SGCZ: variants seen among roughly 807,000 people sequenced by gnomAD.
SGCZ encodes the protein sarcoglycan zeta.
SGCZ carries 40 observed loss-of-function variants against 41.3 expected under a neutral mutation model. The observed-to-expected ratio is 0.97, with a 90% CI of 0.75 to 1.26. The LOEUF is 1.26. Ranked by LOEUF, SGCZ falls within the 50% of genes most tolerant of loss-of-function variation. The pLI, the probability that SGCZ is intolerant of heterozygous loss-of-function variation, is 0.00. For missense variants in SGCZ, 552 were observed against 369.8 expected (o/e 1.49, Z -4.04); for synonymous variants, 206 against 137.5 (o/e 1.50, Z -3.49).
chr8:14,468,376 T>C (rs58633223), intron 2 of SGCZ, among the ~76,000 whole-genome samples: 9,922 of 152,188 alleles, frequency 0.065, 545 homozygotes, highest in African/African-American at 0.15. Flanking sequence ...ATGGCTAATA[T>C]CAATTTATTT....
chr8:14,708,418 C>A (rs548989448), intron 1 of SGCZ, among the ~76,000 whole-genome samples: 1 of 151,562 alleles, frequency 6.6e-6, no homozygotes, highest in African/African-American at 2.4e-5. Flanking sequence ...AACAGGCAGT[C>A]ACTCCCATAT....
rs188374914 is a variant in SGCZ at position 14,948,307 on chromosome 8, C to T, written c.39+289278G>A. ...GATGAGAACTGGGTATTCTCTCTCT[C>T]CTAATATACTGGCCATAGGAAATTT... On this transcript the variant is annotated intron_variant, in intron 1 of 7. Transcript: ENST00000382080. Among the ~76,000 whole-genome samples, 483 of 152,220 alleles carry T rather than the reference C, an allele frequency of 3.2e-3. 3 individuals carry two copies. Among genetic ancestry groups the T allele is most frequent in the Middle Eastern group, 0.027 (8 of 294 alleles).
At chr8:15,015,482 G>A (rs1179587859) in intron 1 of SGCZ, among the ~76,000 whole-genome samples, 4 of 151,962 alleles carry the variant, frequency 2.6e-5, no homozygotes, top group African/African-American at 7.2e-5. Context: ...GGTGGATCAC[G>A]AGGTCAGCAG....
chr8:15,236,496 T>C (rs576192869), intron 1 of SGCZ, among the ~76,000 whole-genome samples: 154 of 152,182 alleles, frequency 1.0e-3, no homozygotes, highest in Non-Finnish European at 1.9e-3. Context: ...TCTGAACCTC[T>C]GAAATAGTAG....
At chr8:14,449,995 A>G (rs986781914) in intron 2 of SGCZ, among the ~76,000 whole-genome samples, 5 of 152,268 alleles carry the variant, frequency 3.3e-5, no homozygotes, top group African/African-American at 1.2e-4. Context: ...ATTTAATATA[A>G]TGCAATGTAA....
At chr8:15,194,832 G>C (rs986720430) in intron 1 of SGCZ, among the ~76,000 whole-genome samples, 2 of 152,108 alleles carry the variant, frequency 1.3e-5, no homozygotes, top group African/African-American at 4.8e-5. Context: ...ACTCATTCTG[G>C]ACTTCTGACC....
chr8:14,361,765 G>T (rs769463358), intron 2 of SGCZ, among the ~76,000 whole-genome samples: 3 of 152,214 alleles, frequency 2.0e-5, no homozygotes, highest in Admixed American at 6.5e-5. Context: ...GAGGCATTCC[G>T]GTTTTTGGAA....
intron 2 of SGCZ, among the ~76,000 whole-genome samples, chr8:14,546,157 A>G (rs1803619058): frequency 6.6e-6 from 1 of 152,278 alleles, no homozygotes; most frequent in South Asian, 2.1e-4. Flanking sequence ...TCAATCCTGT[A>G]ATAAATCCAC....
chr8:14,695,417 G>A (rs998400225), intron 1 of SGCZ, among the ~76,000 whole-genome samples: 2 of 152,034 alleles, frequency 1.3e-5, no homozygotes, highest in African/African-American at 4.8e-5. Context: ...CAATATTGTG[G>A]AAACTTTATC....
intron 1 of SGCZ, among the ~76,000 whole-genome samples, chr8:14,883,139 A>G (rs1232404790): frequency 3.9e-5 from 6 of 151,906 alleles, no homozygotes; most frequent in African/African-American, 1.5e-4. Flanking sequence ...TTCTCATTTC[A>G]TATCTTACTT....
intron 1 of SGCZ, among the ~76,000 whole-genome samples, chr8:14,626,272 G>A (rs751529104): frequency 4.6e-5 from 7 of 151,900 alleles, no homozygotes; most frequent in African/African-American, 7.3e-5. Context: ...ATTAAGCCCC[G>A]CATACATCAG....
intron 1 of SGCZ, among the ~76,000 whole-genome samples, chr8:14,854,941 C>T (rs541721208): frequency 1.6e-4 from 24 of 151,626 alleles, no homozygotes; most frequent in African/African-American, 5.8e-4. Flanking sequence ...TGCAGAGGTC[C>T]ATGCTATGGC....
At chr8:14,318,505 A>G (rs1285822309) in intron 3 of SGCZ, among the ~76,000 whole-genome samples, 1 of 152,020 alleles carries the variant, frequency 6.6e-6, no homozygotes, top group Admixed American at 6.6e-5. Flanking sequence ...CATATTAATG[A>G]AAGTCAAGCC....
chr8:14,908,523 G>A (rs1020431027), intron 1 of SGCZ, among the ~76,000 whole-genome samples: 1 of 152,088 alleles, frequency 6.6e-6, no homozygotes, highest in African/African-American at 2.4e-5. Flanking sequence ...AGCCCCAGGT[G>A]GGAGGATCAC....
At chr8:14,240,645 G>C (rs925353174) in intron 3 of SGCZ, among the ~76,000 whole-genome samples, 21 of 152,168 alleles carry the variant, frequency 1.4e-4, no homozygotes, top group Admixed American at 3.9e-4. Flanking sequence ...ATAGTATTAA[G>C]CTATACTTAT....
intron 1 of SGCZ, among the ~76,000 whole-genome samples, chr8:14,948,494 T>C (rs1398165055): frequency 6.7e-6 from 1 of 148,160 alleles, no homozygotes; most frequent in Non-Finnish European, 1.5e-5. Flanking sequence ...GAGAGAGAGG[T>C]CTCCGCTAGA....
chr8:14,465,140 TCTCC>T (rs1344702484), intron 2 of SGCZ, among the ~76,000 whole-genome samples: 1 of 151,674 alleles, frequency 6.6e-6, no homozygotes, highest in Non-Finnish European at 1.5e-5. Context: ...TTCTGATGTT[TCTCC>T]CTATTATTGA....
chr8:14,850,159 T>C (rs899315759), intron 1 of SGCZ, among the ~76,000 whole-genome samples: 5 of 152,206 alleles, frequency 3.3e-5, no homozygotes, highest in African/African-American at 1.2e-4. Context: ...TACTTCAAAG[T>C]ATCTCATATT....
chr8:15,063,123 C>A (rs1401254133), intron 1 of SGCZ, among the ~76,000 whole-genome samples: 4 of 152,110 alleles, frequency 2.6e-5, no homozygotes, highest in Non-Finnish European at 5.9e-5. Flanking sequence ...TCTGGCTCAG[C>A]ATTAATGAAG....
Sources: allele counts gnomAD v4.1 joint callset (sites outside exome capture counted in the v4.1 genomes callset), GRCh38; gene constraint gnomAD v4.1.1; transcripts MANE v1.5; gene names NCBI Gene and HGNC (gene_info 2026-07-23, HGNC 2026-07-21).